FKBP5: variants seen among roughly 807,000 people sequenced by gnomAD.
The protein encoded by FKBP5 is FKBP prolyl isomerase 5, also known as peptidyl-prolyl cis-trans isomerase FKBP5.
Under a neutral mutation model 50.5 loss-of-function variants are expected in FKBP5, and 23 were observed. The observed-to-expected ratio is 0.46, with a 90% CI of 0.33 to 0.65. FKBP5 has a LOEUF of 0.65. Among genes scored for constraint, FKBP5 ranks in the 30% least tolerant of loss-of-function variants. The pLI, the probability that FKBP5 is intolerant of heterozygous loss-of-function variation, is 0.02. For missense variants in FKBP5, 411 were observed against 553.1 expected (o/e 0.74, Z 2.58); for synonymous variants, 176 against 190.6 (o/e 0.92, Z 0.63).
chr6:35,722,514 G>A (rs1279025220), intron 1 of FKBP5, among the ~76,000 whole-genome samples: 2 of 152,156 alleles, frequency 1.3e-5, no homozygotes, highest in Non-Finnish European at 2.9e-5. Context: ...GGCTGCTGCA[G>A]GATAAAGGTC....
Position 35,619,157 on chromosome 6 carries a change from G to T in FKBP5, c.447C>A (p.Ile149=). The change falls in exon 5 of 11, where the codon ATC becomes ATA. Residue 149 remains isoleucine (I), a synonymous_variant. Transcript: ENST00000357266. The stretch of plus-strand genomic sequence containing the variant: ...CCTCTCCTTTCCGTTTGGTTCTCCG[G>T]ATAATGCCTCCATCTTCAAATAAAT... ...GEDLFEDGGI[I]RRTKRKGEGY... The T allele has an allele frequency of 1.2e-6, 2 of 1,613,752 alleles. No individual in the cohort carries two copies. The highest frequency in any genetic ancestry group is 1.1e-5 in the South Asian group (1 of 91,066).
intron 1 of FKBP5, among the ~76,000 whole-genome samples, chr6:35,722,955 C>T (rs1766639170): frequency 2.0e-5 from 3 of 152,292 alleles, no homozygotes; most frequent in South Asian, 2.1e-4. Context: ...CAGGCATGGC[C>T]GGGCGCGATG....
intron 8 of FKBP5, chr6:35,585,707 G>GT (rs1234242038): frequency 1.0e-5 from 10 of 956,616 alleles, no homozygotes; most frequent in Non-Finnish European, 1.2e-5. Flanking sequence ...ACCACCCACA[G>GT]TAAGAAATAT....
At chr6:35,589,204 C>T (rs573763071) in intron 7 of FKBP5, among the ~76,000 whole-genome samples, 12 of 148,496 alleles carry the variant, frequency 8.1e-5, no homozygotes, top group Admixed American at 2.0e-4. Context: ...TCTCGGCTCA[C>T]GGCAACCTCC....
chr6:35,670,820 A>T (rs1270374240), intron 1 of FKBP5, among the ~76,000 whole-genome samples: 1 of 152,180 alleles, frequency 6.6e-6, no homozygotes, highest in Non-Finnish European at 1.5e-5. Context: ...ACAGGTATAA[A>T]AATATTGAAA....
intron 1 of FKBP5, among the ~76,000 whole-genome samples, chr6:35,723,092 G>C (rs1255897759): frequency 6.6e-6 from 1 of 152,138 alleles, no homozygotes; most frequent in African/African-American, 2.4e-5. Flanking sequence ...AATTAGCTGG[G>C]CGTGGTGGCG....
chr6:35,684,478 AC>A (rs1307840442), intron 1 of FKBP5, among the ~76,000 whole-genome samples: 1 of 152,124 alleles, frequency 6.6e-6, no homozygotes, highest in African/African-American at 2.4e-5. Flanking sequence ...GCACCTCGCC[AC>A]CTTTTTCTAA....
chr6:35,610,567 CAAAAAA>C (rs35101873), intron 5 of FKBP5, among the ~76,000 whole-genome samples: 4 of 58,628 alleles, frequency 6.8e-5, no homozygotes, highest in African/African-American at 1.5e-4. Flanking sequence ...GACTCCGTCT[CAAAAAA>C]AAAAAAAAAA....
At chr6:35,692,848 G>A (rs1490432659), upstream of FKBP5, among the ~76,000 whole-genome samples, 2 of 149,770 alleles carry the variant, frequency 1.3e-5, no homozygotes, top group African/African-American at 2.4e-5. Flanking sequence ...GTCATTTCAC[G>A]GCTGCCTATC....
intron 1 of FKBP5, among the ~76,000 whole-genome samples, chr6:35,723,175 G>A (rs1340149805): frequency 6.6e-6 from 1 of 152,186 alleles, no homozygotes; most frequent in African/African-American, 2.4e-5. Context: ...AGAGGTTGCA[G>A]TGAGCTGAGA....
chr6:35,597,765 T>C (rs891731716), intron 5 of FKBP5, among the ~76,000 whole-genome samples: 2 of 152,196 alleles, frequency 1.3e-5, no homozygotes, highest in Non-Finnish European at 2.9e-5. Context: ...TGCCACAAAT[T>C]TAATATCAAA....
intron 2 of FKBP5, among the ~76,000 whole-genome samples, chr6:35,702,325 A>G (rs115267600): frequency 4.3e-4 from 65 of 151,634 alleles, no homozygotes; most frequent in African/African-American, 1.3e-3. Flanking sequence ...GAGTTTACCT[A>G]TGTAATAAAC....
rs35407744 is a variant in FKBP5, at chr6:35,667,019, CTGTGTGTGTGTGTGTGTGTGTG to C, written c.-20+21763_-20+21784del. Among the ~76,000 whole-genome samples, 249 of 148,900 alleles carry C rather than the reference CTGTGTGTGTGTGTGTGTGTGTG, an allele frequency of 1.7e-3. 1 individual carries two copies. The highest frequency in any genetic ancestry group is 5.7e-3 in the African/African-American group (232 of 40,534). ...ATTTTCACTTGTTTTGTGTGTGTGT[CTGTGTGTGTGTGTGTGTGTGTG>C]TGTGTGTGTGTGTGTGTATACATAG... On this transcript the variant is annotated intron_variant, in intron 1 of 10. Coordinates refer to ENST00000357266, the MANE Select transcript of FKBP5 (RefSeq NM_004117.4).
intron 8 of FKBP5, chr6:35,583,401 C>CA (rs1762504647): frequency 1.9e-5 from 19 of 985,338 alleles, no homozygotes; most frequent in Non-Finnish European, 2.3e-5. Flanking sequence ...AAACAAAACA[C>CA]AAAAAACAGG....
At chr6:35,585,001 A>G (rs2150955202) in intron 8 of FKBP5, 1 of 985,458 alleles carries the variant, frequency 1.0e-6, no homozygotes, top group South Asian at 4.7e-5. Context: ...GAACACAGCT[A>G]TATGACAGAT....
chr6:35,666,736 A>G (rs1765240616), intron 1 of FKBP5, among the ~76,000 whole-genome samples: 1 of 152,182 alleles, frequency 6.6e-6, no homozygotes, highest in South Asian at 2.1e-4. Flanking sequence ...TAAAAATACA[A>G]AAATTAGCCG....
chr6:35,597,161 G>GA, intron 6 of FKBP5, 87 bp downstream of exon 6: 1 of 1,473,110 alleles, frequency 6.8e-7, no homozygotes, highest in African/African-American at 1.4e-5. Flanking sequence ...TAACTTCACT[G>GA]AAAATGCCAA....
At chr6:35,622,653 C>G (rs1335412174) in intron 3 of FKBP5, among the ~76,000 whole-genome samples, 1 of 152,186 alleles carries the variant, frequency 6.6e-6, no homozygotes, top group East Asian at 1.9e-4. Flanking sequence ...TGTGCTGTCA[C>G]TTTTTAAAAA....
intron 2 of FKBP5, among the ~76,000 whole-genome samples, chr6:35,699,201 C>G (rs980463429): frequency 1.4e-4 from 22 of 152,184 alleles, no homozygotes; most frequent in African/African-American, 5.1e-4. Context: ...TCCACATGGG[C>G]TCTCCATGAA....
Sources: gnomAD v4.1 joint callset for allele counts (sites outside exome capture counted in the v4.1 genomes callset) on GRCh38, gnomAD v4.1.1 for gene constraint, MANE v1.5 for transcripts, NCBI Gene and HGNC (gene_info 2026-07-23, HGNC 2026-07-21) for gene names.